Variants in SMOX observed in about 807,000 individuals in gnomAD.
The protein encoded by SMOX is spermine oxidase, also known as flavin containing amine oxidase.
A neutral mutation model predicts 51.0 loss-of-function variants in SMOX; 22 were observed. That is an observed-to-expected ratio of 0.43 (90% CI 0.31 to 0.62). The LOEUF is 0.62. Ranked by LOEUF, SMOX falls within the 20% of genes least tolerant of loss-of-function variation. The pLI is 0.10. For synonymous variants in SMOX, 282 were observed against 307.8 expected, an observed-to-expected ratio of 0.92 and a Z score of 0.88; for missense variants, 566 against 777.7, an observed-to-expected ratio of 0.73 and a Z score of 3.24.
At chr20:4,185,860 T>C (rs1416345313) in intron 6 of SMOX, among the ~76,000 whole-genome samples, 1 of 104,636 alleles carries the variant, frequency 9.6e-6, no homozygotes, top group Non-Finnish European at 1.9e-5. Context: ...GCCATTGCAC[T>C]CCAGCCTGGG....
rs533410047 is a variant in SMOX, at chr20:4,186,404, T to G, written c.1531-866T>G. On this transcript the variant is annotated intron_variant, in intron 6 of 6. Coordinates refer to ENST00000305958, the MANE Select transcript of SMOX (RefSeq NM_175839.3). Reference sequence around the variant, plus strand: ...ACTAGGATAAAGTCCAAATGCAAACTTGGGGTGCAAGAACTTGTACCTTGC... The same window carrying G: ...ACTAGGATAAAGTCCAAATGCAAACGTGGGGTGCAAGAACTTGTACCTTGC... Among the ~76,000 whole-genome samples, 29 of 152,356 alleles carry G rather than the reference T, an allele frequency of 1.9e-4. No individual in the cohort carries two copies. The East Asian group carries it at 5.4e-3, about 28-fold the overall frequency.
chr20:4,183,854 A>G lies in SMOX; in HGVS notation c.1530+200A>G, dbSNP rs190690749. The stretch of plus-strand genomic sequence containing the variant: ...TGGAAGAAAAAATGGAATCAAATTG[A>G]AACTTAAAATGTTTTCTTGATGTTA... On this transcript the variant is annotated intron_variant, in intron 6 of 6. Coordinates refer to ENST00000305958, the MANE Select transcript of SMOX (RefSeq NM_175839.3). The surrounding 1 kb of genome is among the most constrained non-coding windows in gnomAD (Gnocchi z 4.3). Among the ~76,000 whole-genome samples the G allele has an allele frequency of 6.6e-6, 1 of 152,350 alleles. No individual in the cohort carries two copies. Among genetic ancestry groups the G allele is most frequent in the East Asian group, 1.9e-4 (1 of 5,188 alleles).
At position 4,149,047 on chromosome 20, in the gene SMOX, G is replaced by C. The variant is rs1382867000; in HGVS notation, c.-27+70G>C. Reference sequence around the variant, plus strand: ...TCCCCCGGGCGCAGGCAGGGGCTGCGGCCGCCGCGAGAGGGTGAGGGGCCC... The same window carrying C: ...TCCCCCGGGCGCAGGCAGGGGCTGCCGCCGCCGCGAGAGGGTGAGGGGCCC... On this transcript the variant is annotated intron_variant, in intron 1 of 6. Transcript: ENST00000305958. The surrounding 1 kb of genome is among the most constrained non-coding windows in gnomAD (Gnocchi z 6.0). The C allele has an allele frequency of 6.7e-6, 1 of 149,972 alleles. No individual in the cohort carries two copies. Among genetic ancestry groups the C allele is most frequent in the Non-Finnish European group, 1.5e-5 (1 of 67,148 alleles). 9.3% of individuals were successfully genotyped at this position (149,972 alleles called of 1,614,324 possible).
At chr20:4,155,835 GC>G (rs1985997542) in intron 1 of SMOX, among the ~76,000 whole-genome samples, 1 of 152,020 alleles carries the variant, frequency 6.6e-6, no homozygotes, top group African/African-American at 2.4e-5. Context: ...GGTACAGAGG[GC>G]AGACACAAAG....
At chr20:4,179,726 G>A (rs1177331705) in intron 3 of SMOX, among the ~76,000 whole-genome samples, 1 of 152,164 alleles carries the variant, frequency 6.6e-6, no homozygotes, top group East Asian at 1.9e-4. Flanking sequence ...AGGTTATTGA[G>A]CCTCTCTGAG....
rs1349680896 is a variant in SMOX at position 4,181,052 on chromosome 20, G to A, written c.436-751G>A. ...TGGGGACTGTATATGAGACAGGCAC[G>A]AGGGTCGGGCGGGCAGTCAGACCCC... On this transcript the variant is annotated intron_variant, in intron 3 of 6. Coordinates refer to ENST00000305958, the MANE Select transcript of SMOX (RefSeq NM_175839.3). The surrounding 1 kb of genome is among the most constrained non-coding windows in gnomAD (Gnocchi z 5.6). 2.6e-5 allele frequency among the ~76,000 whole-genome samples: 4 copies of A among 152,188 alleles called. No homozygotes were observed. Among genetic ancestry groups the A allele is most frequent in the African/African-American group, 7.2e-5 (3 of 41,442 alleles).
Position 4,170,633 on chromosome 20 carries a change from C to T in SMOX, c.-26-4397C>T, listed in dbSNP as rs1251606621. ...ATGAAGAAGTGGCAGTTCACACAAA[C>T]TTTGGTGGCTCGTGCCCACTCTGGT... On this transcript the variant is annotated intron_variant, in intron 1 of 6. Transcript: ENST00000305958. This position sits in a 1 kb window ranked among gnomAD's most constrained non-coding sequence, Gnocchi z 4.6. 1.3e-5 allele frequency among the ~76,000 whole-genome samples: 2 copies of T among 152,142 alleles called. No homozygotes were observed. The highest frequency in any genetic ancestry group is 2.9e-5 in the Non-Finnish European group (2 of 68,026).
intron 1 of SMOX, among the ~76,000 whole-genome samples, chr20:4,150,790 T>C (rs555636357): frequency 6.1e-4 from 93 of 151,352 alleles, no homozygotes; most frequent in African/African-American, 2.2e-3. Flanking sequence ...TCCCCAGGCC[T>C]TCCCATCTCA....
intron 3 of SMOX, among the ~76,000 whole-genome samples, chr20:4,179,280 C>T (rs995775968): frequency 3.3e-5 from 5 of 152,084 alleles, no homozygotes; most frequent in Non-Finnish European, 7.4e-5. Flanking sequence ...TTTCGGGGCC[C>T]GTGGTTTGTT....
chr20:4,175,916 T>TGGGG (rs1978805023), intron 2 of SMOX: 1 of 78,528 alleles, frequency 1.3e-5, no homozygotes, highest in African/African-American at 4.8e-5. Context: ...GGGGGGGGGA[T>TGGGG]GGTTTCTGAC....
At position 4,187,678 on chromosome 20, in the gene SMOX, A is replaced by G. The variant is rs1195756747; in HGVS notation, c.*271A>G. The G allele has an allele frequency of 5.2e-6, 2 of 383,986 alleles. No individual in the cohort carries two copies. The highest frequency in any genetic ancestry group is 9.4e-6 in the Non-Finnish European group (2 of 213,818). The allele number at this position is 383,986 out of a possible 1,614,324, so 23.8% of individuals were successfully genotyped here. A position where few individuals can be genotyped will look rare whatever the true frequency, so the allele number is the denominator to read the frequency against. On this transcript the variant is annotated 3_prime_UTR_variant, in exon 7 of 7. Coordinates refer to ENST00000305958, the MANE Select transcript of SMOX (RefSeq NM_175839.3). The surrounding 1 kb of genome is among the most constrained non-coding windows in gnomAD (Gnocchi z 4.8). ...CTGCCTTGTTATTGTAAGTGCCTTC[A>G]ATACTTTGCATTTTGGGATAATAAA...
rs1765013 is a variant in SMOX, at chr20:4,167,215, A to G, written c.-26-7815A>G. Reference sequence around the variant, plus strand: ...TCAGATACAGATGTGAGGTGCCTGCATGATGTCAGTGTCAAGGTCCAGCCT... The same window carrying G: ...TCAGATACAGATGTGAGGTGCCTGCGTGATGTCAGTGTCAAGGTCCAGCCT... On this transcript the variant is annotated intron_variant, in intron 1 of 6. Coordinates refer to ENST00000305958, the MANE Select transcript of SMOX (RefSeq NM_175839.3). The surrounding 1 kb of genome is among the most constrained non-coding windows in gnomAD (Gnocchi z 4.8). 0.078 allele frequency among the ~76,000 whole-genome samples: 11,938 copies of G among 152,188 alleles called. 558 individuals carry two copies. The highest frequency in any genetic ancestry group is 0.13 in the East Asian group (672 of 5,162).
chr20:4,154,715 G>A (rs1985921828), intron 1 of SMOX, among the ~76,000 whole-genome samples: 1 of 152,148 alleles, frequency 6.6e-6, no homozygotes, highest in Admixed American at 6.5e-5. Context: ...CTGCTCCATG[G>A]AGCACGCTTT....
In SMOX at chr20:4,181,263, G is replaced by T. The variant is rs1289303087; in HGVS notation, c.436-540G>T. The stretch of plus-strand genomic sequence containing the variant: ...CTCGTGGCTGAGGCCTGAAGCAAAG[G>T]GGGTGCTTTGTACGGAGCTGCACAG... On this transcript the variant is annotated intron_variant, in intron 3 of 6. Transcript: ENST00000305958. This position sits in a 1 kb window ranked among gnomAD's most constrained non-coding sequence, Gnocchi z 5.6. 1.3e-5 allele frequency among the ~76,000 whole-genome samples: 2 copies of T among 152,168 alleles called. No individual in the cohort carries two copies. Among genetic ancestry groups the T allele is most frequent in the Admixed American group, 6.5e-5 (1 of 15,274 alleles).
intron 3 of SMOX, among the ~76,000 whole-genome samples, chr20:4,179,103 G>A (rs987729533): frequency 7.2e-5 from 11 of 152,220 alleles, no homozygotes; most frequent in African/African-American, 7.2e-5. Flanking sequence ...AACAAGGTAC[G>A]TTGTGTTGTG....
At chr20:4,180,556 G>A (rs1355104959) in intron 3 of SMOX, among the ~76,000 whole-genome samples, 2 of 152,132 alleles carry the variant, frequency 1.3e-5, no homozygotes, top group Admixed American at 1.3e-4. Context: ...TCTTGCTCAC[G>A]GCCCTCCAGC....
At position 4,181,908 on chromosome 20, in the gene SMOX, A is replaced by G; in HGVS notation, c.541A>G (p.Arg181Gly). 1.2e-6 allele frequency: 2 copies of G among 1,614,194 alleles called. No individual in the cohort carries two copies. Among genetic ancestry groups the G allele is most frequent in the Non-Finnish European group, 1.7e-6 (2 of 1,180,034 alleles). ...FTREEVRNRI[R>G]NDPDDPEATK... ...CCGAGAGGAGGTGCGTAACCGCATC[A>G]GGAATGACCCTGACGACCCAGAGGC... is the stretch of plus-strand genomic sequence containing the variant. The change falls in exon 4 of 7, where the codon AGG becomes GGG. Residue 181 changes from arginine to glycine, a missense_variant. Arg to Gly is a moderately radical substitution (Grantham distance 125). Coordinates refer to ENST00000305958, the MANE Select transcript of SMOX (RefSeq NM_175839.3). The surrounding 1 kb of genome is among the most constrained non-coding windows in gnomAD (Gnocchi z 5.6).
intron 1 of SMOX, among the ~76,000 whole-genome samples, chr20:4,150,348 A>G (rs540409831): frequency 6.6e-6 from 1 of 152,258 alleles, no homozygotes; most frequent in African/African-American, 2.4e-5. Flanking sequence ...CAAGCTCTCC[A>G]GTGAGCTCCA....
intron 3 of SMOX, among the ~76,000 whole-genome samples, chr20:4,179,814 A>G (rs1369883982): frequency 2.6e-5 from 4 of 152,184 alleles, no homozygotes; most frequent in Non-Finnish European, 5.9e-5. Flanking sequence ...AGAACCAATG[A>G]TAAGTGCTTA....
Sources: gnomAD v4.1 joint callset for allele counts (sites outside exome capture counted in the v4.1 genomes callset) on GRCh38, gnomAD v4.1.1 for gene constraint, Gnocchi (gnomAD v3.1) non-coding constraint, MANE v1.5 for transcripts, NCBI Gene and HGNC (gene_info 2026-07-23, HGNC 2026-07-21) for gene names.